PPP4R1: variants seen among roughly 807,000 people sequenced by gnomAD.
PPP4R1 encodes serine/threonine-protein phosphatase 4 regulatory subunit 1.
PPP4R1 carries 42 observed loss-of-function variants against 111.2 expected under a neutral mutation model. The ratio of observed to expected loss-of-function variants is 0.38; its 90% CI spans 0.29 to 0.49. The LOEUF (loss-of-function observed/expected upper bound fraction) is 0.49. PPP4R1 is among the 20% of genes least tolerant of loss of function. The pLI is 0.97. For synonymous variants in PPP4R1, 409 were observed against 405.5 expected (o/e 1.01, Z -0.10); for missense variants, 1,012 against 1,161.6 (o/e 0.87, Z 1.87).
intron 11 of PPP4R1, among the ~76,000 whole-genome samples, chr18:9,569,109 T>C (rs1005529994): frequency 6.6e-6 from 1 of 150,566 alleles, no homozygotes. Context: ...GGCAGGAGAA[T>C]TGCTTGAACC....
At chr18:9,594,198 G>A in intron 3 of PPP4R1, 1 of 177,354 alleles carries the variant, frequency 5.6e-6, no homozygotes, top group Non-Finnish European at 1.2e-5. Context: ...CCAAAGTGCT[G>A]GGATTACAGG....
chr18:9,595,198 A>C, intron 2 of PPP4R1, 45 bp from the exon 3 acceptor site: 1 of 1,590,710 alleles, frequency 6.3e-7, no homozygotes, highest in Non-Finnish European at 8.6e-7. Flanking sequence ...TTTGAAACTA[A>C]AATGTACCCC....
rs756593750 is a variant in PPP4R1, at chr18:9,588,872, T to C, written c.296-19A>G. On this transcript the variant is annotated intron_variant, in intron 4 of 19. Transcript: ENST00000400556. ...GTTGGTTCTATTGAAATAACGGCAA[T>C]GTGAGCAAACATGTTCTCCTGCAGC... The C allele has an allele frequency of 2.6e-5, 42 of 1,610,542 alleles. No homozygotes were observed. The Middle Eastern group carries it at 6.6e-4, about 25-fold the overall frequency.
At chr18:9,590,855 G>A (rs1023053421) in intron 4 of PPP4R1, among the ~76,000 whole-genome samples, 5 of 152,240 alleles carry the variant, frequency 3.3e-5, no homozygotes, top group African/African-American at 1.2e-4. Context: ...TCTCAAAGAA[G>A]ACACAAACGG....
chr18:9,590,676 T>A (rs1447589626), intron 4 of PPP4R1, among the ~76,000 whole-genome samples: 1 of 152,044 alleles, frequency 6.6e-6, no homozygotes, highest in East Asian at 1.9e-4. Context: ...TTGTGTCAAC[T>A]GGCTACTCAC....
In PPP4R1 at chr18:9,584,550, T is replaced by G. The variant is rs1308677816; in HGVS notation, c.724A>C (p.Ser242Arg). Residue 242 changes from serine to arginine, a missense_variant, in exon 8 of 20, where the codon AGT becomes CGT. Coordinates refer to ENST00000400556, the MANE Select transcript of PPP4R1 (RefSeq NM_001042388.3). ...VCAANFGDICSVVGQQATEEM... is the reference protein window; with the variant it reads ...VCAANFGDICRVVGQQATEEM... ...TCAGTAGCTTGCTGGCCAACTACAC[T>G]GCAAATATCTCCAAAATTGGCAGCA... 6.2e-7 allele frequency: 1 copy of G among 1,613,394 alleles called. No individual in the cohort carries two copies.
At chr18:9,601,219 G>GGA (rs1568125620) in intron 2 of PPP4R1, among the ~76,000 whole-genome samples, 10 of 140,834 alleles carry the variant, frequency 7.1e-5, no homozygotes, top group East Asian at 2.1e-4. Flanking sequence ...TTTTTTTGGG[G>GGA]AAAAAAAAAA....
At position 9,614,151 on chromosome 18, in the gene PPP4R1, C is replaced by G; in HGVS notation, c.52+75G>C. ...CCCCTCAGCCAGCCAGGGCCCGGCCCAGGCCTCGCCGCCGCCCGCCCTCCC... is the reference window on the plus strand; with the variant it reads ...CCCCTCAGCCAGCCAGGGCCCGGCCGAGGCCTCGCCGCCGCCCGCCCTCCC... On this transcript the variant is annotated intron_variant, in intron 2 of 19. Coordinates refer to ENST00000400556, the MANE Select transcript of PPP4R1 (RefSeq NM_001042388.3). This position sits in a 1 kb window ranked among gnomAD's most constrained non-coding sequence, Gnocchi z 4.1. 1 of 1,226,362 alleles carries G rather than the reference C, an allele frequency of 8.2e-7. No homozygotes were observed. The highest frequency in any genetic ancestry group is 1.0e-6 in the Non-Finnish European group (1 of 962,748). The allele number at this position is 1,226,362 out of a possible 1,614,324, so 76.0% of individuals were successfully genotyped here.
At chr18:9,613,146 A>G (rs368177026) in intron 2 of PPP4R1, among the ~76,000 whole-genome samples, 1 of 152,204 alleles carries the variant, frequency 6.6e-6, no homozygotes, top group African/African-American at 2.4e-5. Context: ...ACAGACCACA[A>G]TCCTACTATG....
At chr18:9,593,927 C>A (rs1237601560) in intron 3 of PPP4R1, 53 bp from the exon 4 acceptor site, 2 of 1,434,334 alleles carry the variant, frequency 1.4e-6, no homozygotes, top group East Asian at 2.3e-5. Context: ...TAGCTAATAT[C>A]CAGAATTTTA....
intron 2 of PPP4R1, among the ~76,000 whole-genome samples, chr18:9,602,103 T>C (rs2145305960): frequency 6.6e-6 from 1 of 152,220 alleles, no homozygotes. Context: ...AAAACAACTG[T>C]CATAGCTCCA....
At chr18:9,609,214 T>C (rs2067536127) in intron 2 of PPP4R1, among the ~76,000 whole-genome samples, 1 of 152,188 alleles carries the variant, frequency 6.6e-6, no homozygotes, top group Non-Finnish European at 1.5e-5. Flanking sequence ...CATCCAGGCT[T>C]GTTGGCAGCA....
At chr18:9,581,595 C>T (rs908072302) in intron 9 of PPP4R1, among the ~76,000 whole-genome samples, 3 of 151,952 alleles carry the variant, frequency 2.0e-5, no homozygotes, top group Admixed American at 6.5e-5. Flanking sequence ...CATCATTAAG[C>T]ACATTTAACA....
At chr18:9,615,703 G>C (rs1322998481), upstream of PPP4R1, among the ~76,000 whole-genome samples, 1 of 152,210 alleles carries the variant, frequency 6.6e-6, no homozygotes, top group Non-Finnish European at 1.5e-5. Flanking sequence ...ACCAAGCTGT[G>C]TCATGGTGCC....
At chr18:9,566,706 C>T (rs926762161) in intron 11 of PPP4R1, among the ~76,000 whole-genome samples, 2 of 151,138 alleles carry the variant, frequency 1.3e-5, no homozygotes, top group African/African-American at 4.9e-5. Flanking sequence ...AAAACCAATG[C>T]TCATTTACTC....
chr18:9,549,445 T>C, intron 18 of PPP4R1, 107 bp from the exon 19 acceptor site: 1 of 1,393,738 alleles, frequency 7.2e-7, no homozygotes, highest in Non-Finnish European at 9.7e-7. Context: ...TTTTAGTTAT[T>C]GCTTTTTAAC....
At chr18:9,560,418 TA>T (rs11366716) in intron 13 of PPP4R1, among the ~76,000 whole-genome samples, 152,242 of 152,328 alleles carry the variant, frequency 1, 76,078 homozygotes, top group Non-Finnish European at 1. Flanking sequence ...TAGGTGTGTA[TA>T]AATATAGCTG....
At chr18:9,577,980 A>T (rs192525587) in intron 9 of PPP4R1, among the ~76,000 whole-genome samples, 1 of 152,362 alleles carries the variant, frequency 6.6e-6, no homozygotes, top group Admixed American at 6.5e-5. Flanking sequence ...ATGTTAACTT[A>T]AAGTATGTCA....
At chr18:9,608,420 A>G (rs1351826807) in intron 2 of PPP4R1, among the ~76,000 whole-genome samples, 2 of 152,228 alleles carry the variant, frequency 1.3e-5, no homozygotes, top group Non-Finnish European at 2.9e-5. Context: ...TACCAACCAC[A>G]TTCATATCAA....
Sources: allele counts gnomAD v4.1 joint callset (sites outside exome capture counted in the v4.1 genomes callset), GRCh38; gene constraint gnomAD v4.1.1; non-coding constraint Gnocchi (gnomAD v3.1); transcripts MANE v1.5; gene names NCBI Gene and HGNC (gene_info 2026-07-23, HGNC 2026-07-21).